Variants in WASF3 observed in about 807,000 individuals in gnomAD.
WASF3 encodes actin-binding protein WASF3.
A neutral mutation model predicts 46.6 loss-of-function variants in WASF3; 11 were observed. The ratio of observed to expected loss-of-function variants is 0.24; its 90% CI spans 0.15 to 0.39. WASF3 has a LOEUF of 0.39. Among genes scored for constraint, WASF3 ranks in the 10% least tolerant of loss-of-function variants. The probability of loss-of-function intolerance (pLI) is 1.00; values close to 1 mark genes in which losing one functional copy is unlikely to be tolerated. For missense variants in WASF3, 576 were observed against 669.8 expected (o/e 0.86, Z 1.55); for synonymous variants, 242 against 259.7 (o/e 0.93, Z 0.65).
At chr13:26,540,476 C>T in the WASF3 span, among the ~76,000 whole-genome samples, 1 of 152,186 alleles carries the variant, frequency 6.6e-6, no homozygotes, top group Non-Finnish European at 1.5e-5. Flanking sequence ...CAGCTCACAA[C>T]CTCATTCTCT....
At chr13:26,574,505 TTTG>T (rs1315240353) in intron 1 of WASF3, among the ~76,000 whole-genome samples, 9 of 152,138 alleles carry the variant, frequency 5.9e-5, no homozygotes, top group African/African-American at 1.9e-4. Flanking sequence ...CTGGTAAATT[TTTG>T]TTCCTTTATT....
rs57148941 is a variant in WASF3, at chr13:26,599,184, C to CTTTTT, written c.-108-13764_-108-13760dup. On this transcript the variant is annotated intron_variant, in intron 1 of 9. Transcript: ENST00000335327. The stretch of plus-strand genomic sequence containing the variant: ...GCCTGCCCTGCTCTTCTTTTCATTT[C>CTTTTT]TTTTTTTTTTTTTTTTTGAGACGGA... Among the ~76,000 whole-genome samples the CTTTTT allele has an allele frequency of 7.6e-3, 900 of 118,272 alleles. 38 individuals carry two copies. The highest frequency in any genetic ancestry group is 0.026 in the East Asian group (104 of 3,952). The allele number at this position is 118,272 out of a possible 152,430, so 77.6% of individuals were successfully genotyped here.
intron 1 of WASF3, among the ~76,000 whole-genome samples, chr13:26,602,048 T>A (rs901987942): frequency 2.0e-5 from 3 of 152,216 alleles, no homozygotes; most frequent in African/African-American, 7.2e-5. Context: ...TAAGACTTCA[T>A]CCTCCCCTTC....
At chr13:26,545,165 A>C in the WASF3 span, among the ~76,000 whole-genome samples, 136 of 152,216 alleles carry the variant, frequency 8.9e-4, no homozygotes, top group African/African-American at 3.1e-3. Flanking sequence ...CTTTGTTAGG[A>C]GCTCTGCTGC....
At chr13:26,602,059 A>G (rs1336853680) in intron 1 of WASF3, among the ~76,000 whole-genome samples, 1 of 152,116 alleles carries the variant, frequency 6.6e-6, no homozygotes. Context: ...CCTCCCCTTC[A>G]CATTTTAAGG....
At chr13:26,590,230 C>A (rs544170926) in intron 1 of WASF3, among the ~76,000 whole-genome samples, 1 of 152,026 alleles carries the variant, frequency 6.6e-6, no homozygotes, top group East Asian at 1.9e-4. Flanking sequence ...GCTGAGAGGC[C>A]CCCCCAACAC....
upstream of WASF3, among the ~76,000 whole-genome samples, chr13:26,556,110 A>G (rs2137128562): frequency 6.6e-6 from 1 of 152,354 alleles, no homozygotes; most frequent in African/African-American, 2.4e-5. Flanking sequence ...TGATGATCTA[A>G]TTAGAGAGGT....
chr13:26,637,317 A>G (rs930108550), intron 2 of WASF3, among the ~76,000 whole-genome samples: 1 of 152,142 alleles, frequency 6.6e-6, no homozygotes, highest in Admixed American at 6.5e-5. Context: ...AGACTCAACA[A>G]TATCATAGGC....
chr13:26,642,383 T>C lies in WASF3; in HGVS notation c.113T>C (p.Ile38Thr). ...ACCAATAGTACTCTTGCCGCTATCA[T>C]ACGCCAGCTGAGCAGTCTGAGTAAG... ...CVTNSTLAAI[I>T]RQLSSLSKHA... The change falls in exon 3 of 10, where the codon ATA (isoleucine) becomes ACA (threonine). Residue 38 changes from isoleucine (I) to threonine (T), a missense_variant. This residue lies in a region of WASF3 where 213 missense variants were observed against 278.0 expected (regional missense o/e 0.77). Coordinates refer to ENST00000335327, the MANE Select transcript of WASF3 (RefSeq NM_006646.6). The C allele has an allele frequency of 6.2e-7, 1 of 1,604,972 alleles. No homozygotes were observed. The highest frequency in any genetic ancestry group is 8.5e-7 in the Non-Finnish European group (1 of 1,176,692).
intron 2 of WASF3, chr13:26,641,425 G>C (rs2137282804): frequency 6.6e-6 from 1 of 152,286 alleles, no homozygotes; most frequent in African/African-American, 2.4e-5. Flanking sequence ...GGTTTGTCTA[G>C]GTCCAGTTGC....
chr13:26,666,408 G>T (rs117300920), intron 4 of WASF3, among the ~76,000 whole-genome samples: 3,787 of 152,200 alleles, frequency 0.025, 64 homozygotes, highest in Non-Finnish European at 0.038. Flanking sequence ...TTCCAAACAA[G>T]ATTTTACCTT....
chr13:26,613,341 T>C (rs1881035585), intron 2 of WASF3, among the ~76,000 whole-genome samples: 1 of 152,146 alleles, frequency 6.6e-6, no homozygotes, highest in South Asian at 2.1e-4. Context: ...TTATGACTTA[T>C]TAAGCTGAGA....
chr13:26,664,901 A>G (rs1471194008), intron 3 of WASF3, 127 bp from the exon 4 acceptor site: 1 of 940,928 alleles, frequency 1.1e-6, no homozygotes. Context: ...GGACTGTGAC[A>G]CTTTATTTTC....
chr13:26,682,830 C>G lies in WASF3; in HGVS notation c.1207C>G (p.Pro403Ala). Residue 403 changes from proline (P) to alanine (A), a missense_variant, in exon 9 of 10, where the codon CCC becomes GCC. Physicochemically the swap from Pro to Ala is conservative, Grantham distance 27. This residue lies in a region of WASF3 where 295 missense variants were observed against 291.5 expected (regional missense o/e 1.01). Transcript: ENST00000335327. This position sits in a 1 kb window ranked among gnomAD's most constrained non-coding sequence, Gnocchi z 4.4. ...TAPPPPGPPP[P>A]PPGPPGPGSS... ...CCCGCCACCCCCGGGCCCACCACCT[C>G]CCCCGCCAGGCCCTCCTGGTCCCGG... is the stretch of plus-strand genomic sequence containing the variant. The G allele has an allele frequency of 1.9e-6, 3 of 1,610,618 alleles. No homozygotes were observed. Among genetic ancestry groups the G allele is most frequent in the Non-Finnish European group, 2.5e-6 (3 of 1,179,732 alleles).
intron 1 of WASF3, among the ~76,000 whole-genome samples, chr13:26,566,088 T>C (rs1055155194): frequency 2.0e-5 from 3 of 152,234 alleles, no homozygotes; most frequent in African/African-American, 7.2e-5. Context: ...GTGGTTTTAT[T>C]TCTTAGGCTA....
At chr13:26,594,539 G>A (rs1051437055) in intron 1 of WASF3, among the ~76,000 whole-genome samples, 2 of 152,060 alleles carry the variant, frequency 1.3e-5, no homozygotes, top group Admixed American at 1.3e-4. Context: ...GCTTACTACC[G>A]TCTCCTTTCT....
chr13:26,672,009 G>A lies in WASF3; in HGVS notation c.540+20G>A, dbSNP rs770488408. On this transcript the variant is annotated intron_variant, in intron 6 of 9. Transcript: ENST00000335327. Reference sequence around the variant, plus strand: ...CAAAAGGTAAATAATTTCAGTATGGGAAATGTGCATATCAGTGTTCAAAGG... The same window carrying A: ...CAAAAGGTAAATAATTTCAGTATGGAAAATGTGCATATCAGTGTTCAAAGG... 3.3e-6 allele frequency: 5 copies of A among 1,498,196 alleles called. No homozygotes were observed. In the East Asian group the frequency reaches 1.1e-4, roughly 34 times the overall value. The allele number at this position is 1,498,196 out of a possible 1,614,324, so 92.8% of individuals were successfully genotyped here. A position where few individuals can be genotyped will look rare whatever the true frequency, so the allele number is the denominator to read the frequency against.
rs547489281 is a variant in WASF3, at chr13:26,598,745, G to A, written c.-108-14216G>A. 7.2e-5 allele frequency among the ~76,000 whole-genome samples: 11 copies of A among 152,316 alleles called. No individual in the cohort carries two copies. The East Asian group carries it at 2.1e-3, about 29-fold the overall frequency. ...AAGCTGCCAGCTTCCTGAGTGGTGG[G>A]AGATTTCTCTTTGTTTTATAGCTTG... is the stretch of plus-strand genomic sequence containing the variant. On this transcript the variant is annotated intron_variant, in intron 1 of 9. Transcript: ENST00000335327.
chr13:26,631,707 A>G (rs1184638811), intron 2 of WASF3, among the ~76,000 whole-genome samples: 1 of 152,206 alleles, frequency 6.6e-6, no homozygotes, highest in Non-Finnish European at 1.5e-5. Flanking sequence ...AATTCTGTGA[A>G]GAAAGTCATT....
Sources: allele counts gnomAD v4.1 joint callset (sites outside exome capture counted in the v4.1 genomes callset), GRCh38; gene constraint gnomAD v4.1.1; regional missense constraint gnomAD v4.1.1; non-coding constraint Gnocchi (gnomAD v3.1); transcripts MANE v1.5; gene names NCBI Gene and HGNC (gene_info 2026-07-23, HGNC 2026-07-21).